The following ANKH variants were observed in gnomAD, a reference collection of about 807,000 sequenced individuals.
The protein encoded by ANKH is mineralization regulator ANKH.
In ANKH, 15 loss-of-function variants were observed where a neutral mutation model predicts 49.0. The observed-to-expected ratio is 0.31, with a 90% confidence interval of 0.20 to 0.47. ANKH has a LOEUF of 0.47. Among genes scored for constraint, ANKH ranks in the 20% least tolerant of loss-of-function variants. The probability of loss-of-function intolerance (pLI) is 1.00; values close to 1 mark genes in which losing one functional copy is unlikely to be tolerated. For synonymous variants in ANKH, 273 were observed against 260.0 expected (o/e 1.05, Z -0.48); for missense variants, 429 against 652.0 (o/e 0.66, Z 3.72).
At chr5:14,856,454 T>C (rs1735248682) in intron 1 of ANKH, among the ~76,000 whole-genome samples, 1 of 151,984 alleles carries the variant, frequency 6.6e-6, no homozygotes, top group South Asian at 2.1e-4. Context: ...CCTACAGAGT[T>C]CTCTGCTCAA....
intron 1 of ANKH, chr5:14,797,783 G>A: frequency 5.0e-6 from 8 of 1,611,250 alleles, no homozygotes; most frequent in Non-Finnish European, 6.8e-6. Context: ...CGGCACTGAT[G>A]TCCCACAGGC....
At position 14,710,530 on chromosome 5, in the gene ANKH, G is replaced by C. The variant is rs1561015041; in HGVS notation, c.*667C>G. On this transcript the variant is annotated 3_prime_UTR_variant, in exon 12 of 12. Transcript: ENST00000284268. ...CAACCATGTCAGTTTGCTGCCCCCG[G>C]GGCATTTCAAACCAAACCTTTCTAC... The C allele has an allele frequency of 6.5e-6, 1 of 154,918 alleles. No homozygotes were observed. The highest frequency in any genetic ancestry group is 1.4e-5 in the Non-Finnish European group (1 of 69,814). 9.6% of individuals were successfully genotyped at this position (154,918 alleles called of 1,614,324 possible).
intron 1 of ANKH, among the ~76,000 whole-genome samples, chr5:14,790,829 T>G (rs935103564): frequency 6.6e-6 from 1 of 152,174 alleles, no homozygotes; most frequent in African/African-American, 2.4e-5. Flanking sequence ...AGGCTGGTCT[T>G]GAACTCCTTA....
chr5:14,818,100 A>G (rs915951847), intron 1 of ANKH, among the ~76,000 whole-genome samples: 4 of 150,560 alleles, frequency 2.7e-5, no homozygotes, highest in Non-Finnish European at 5.9e-5. Context: ...AAAAAACCCA[A>G]TGGCTAGGAG....
At chr5:14,814,940 T>G (rs1228977731) in intron 1 of ANKH, among the ~76,000 whole-genome samples, 1 of 152,252 alleles carries the variant, frequency 6.6e-6, no homozygotes, top group African/African-American at 2.4e-5. Context: ...AAGGCCCTTT[T>G]ACTTTATCCG....
At chr5:14,716,531 A>G (rs1737469386) in intron 9 of ANKH, among the ~76,000 whole-genome samples, 175 bp downstream of exon 9, 1 of 152,208 alleles carries the variant, frequency 6.6e-6, no homozygotes, top group African/African-American at 2.4e-5. Context: ...AAAAAGTTAT[A>G]CTGTTTGATT....
intron 11 of ANKH, 104 bp from the exon 12 acceptor site, chr5:14,711,414 G>A: frequency 1.0e-6 from 1 of 963,178 alleles, no homozygotes; most frequent in Admixed American, 1.7e-5. Context: ...ACCCCTCACT[G>A]TAGGCTTAAA....
In ANKH at chr5:14,710,213, A is replaced by G. The variant is rs912886728; in HGVS notation, c.*984T>C. On this transcript the variant is annotated 3_prime_UTR_variant, in exon 12 of 12. Transcript: ENST00000284268. The stretch of plus-strand genomic sequence containing the variant: ...AGAACCAGGTAATATATCTACTTCA[A>G]AAGTTACCCTACAGCAACCTGGCAT... 6.6e-6 allele frequency: 1 copy of G among 152,210 alleles called. No individual in the cohort carries two copies. Among genetic ancestry groups the G allele is most frequent in the African/African-American group, 2.4e-5 (1 of 41,448 alleles). The allele number at this position is 152,210 out of a possible 1,614,324, so 9.4% of individuals were successfully genotyped here.
intron 11 of ANKH, among the ~76,000 whole-genome samples, 170 bp from the exon 12 acceptor site, chr5:14,711,480 T>C (rs967376707): frequency 6.6e-6 from 1 of 152,150 alleles, no homozygotes; most frequent in Non-Finnish European, 1.5e-5. Context: ...AGTGTGTTCC[T>C]TGCAGTTTGG....
intron 1 of ANKH, among the ~76,000 whole-genome samples, chr5:14,838,922 G>A (rs925929475): frequency 2.0e-5 from 3 of 152,120 alleles, no homozygotes; most frequent in South Asian, 2.1e-4. Context: ...CGCTATCCAC[G>A]TGAAGGCAAA....
intron 8 of ANKH, among the ~76,000 whole-genome samples, chr5:14,718,008 T>C (rs1737536380): frequency 6.6e-6 from 1 of 152,208 alleles, no homozygotes; most frequent in Admixed American, 6.5e-5. Context: ...TTTCCTCTTC[T>C]ACGCTCCCAG....
At chr5:14,847,429 G>A (rs1299854944) in intron 1 of ANKH, among the ~76,000 whole-genome samples, 9 of 152,160 alleles carry the variant, frequency 5.9e-5, no homozygotes, top group East Asian at 3.8e-4. Context: ...GGAAATCGCC[G>A]GAACCTGCAT....
intron 8 of ANKH, among the ~76,000 whole-genome samples, chr5:14,740,642 A>G (rs1738324970): frequency 6.6e-6 from 1 of 152,216 alleles, no homozygotes; most frequent in African/African-American, 2.4e-5. Context: ...CCTTGTGACA[A>G]TCTAATTAGG....
chr5:14,855,836 A>G (rs1561086105), intron 1 of ANKH, among the ~76,000 whole-genome samples: 1 of 151,720 alleles, frequency 6.6e-6, no homozygotes, highest in Admixed American at 6.6e-5. Context: ...AGGTGGAAAA[A>G]AAAAAGAAAA....
chr5:14,774,426 CCATT>C (rs1739547140), intron 1 of ANKH, among the ~76,000 whole-genome samples: 1 of 151,688 alleles, frequency 6.6e-6, no homozygotes, highest in Non-Finnish European at 1.5e-5. Context: ...GATTTTTTTC[CCATT>C]CATTATTATT....
intron 1 of ANKH, among the ~76,000 whole-genome samples, chr5:14,831,602 G>C (rs529285098): frequency 2.0e-5 from 3 of 152,186 alleles, no homozygotes; most frequent in Non-Finnish European, 2.9e-5. Context: ...AATGCTCAAG[G>C]GGGGCCCTGC....
At chr5:14,724,002 G>A (rs1195347628) in intron 8 of ANKH, among the ~76,000 whole-genome samples, 1 of 152,180 alleles carries the variant, frequency 6.6e-6, no homozygotes, top group South Asian at 2.1e-4. Flanking sequence ...TAACGTTGAT[G>A]ATGACTCAGA....
chr5:14,766,851 C>A (rs1018323466), intron 2 of ANKH, among the ~76,000 whole-genome samples: 1 of 152,174 alleles, frequency 6.6e-6, no homozygotes, highest in Non-Finnish European at 1.5e-5. Context: ...AGGAAGACTG[C>A]TTGAAATCAT....
chr5:14,712,863 G>A lies in ANKH; in HGVS notation c.1365+11C>T, dbSNP rs371359156. On this transcript the variant is annotated intron_variant, in intron 11 of 11. Coordinates refer to ENST00000284268, the MANE Select transcript of ANKH (RefSeq NM_054027.6). ...GCACCCGGGAGGAGGCTCCCGGCGC[G>A]GCTGTCTCACCTGCTTCCGGTAGAC... The A allele has an allele frequency of 4.4e-5, 71 of 1,598,340 alleles. No homozygotes were observed. The highest frequency in any genetic ancestry group is 2.5e-4 in the African/African-American group (19 of 74,818).
Sources: allele counts gnomAD v4.1 joint callset (sites outside exome capture counted in the v4.1 genomes callset), GRCh38; gene constraint gnomAD v4.1.1; transcripts MANE v1.5; gene names NCBI Gene and HGNC (gene_info 2026-07-23, HGNC 2026-07-21).